Variants in GP6 observed in about 807,000 individuals in gnomAD.
GP6 encodes glycoprotein VI platelet, also known as platelet glycoprotein VI.
In GP6, 45 loss-of-function variants were observed where a neutral mutation model predicts 37.3. The ratio of observed to expected loss-of-function variants is 1.21; its 90% CI spans 0.95 to 1.55. The LOEUF (loss-of-function observed/expected upper bound fraction) is 1.55. Among genes scored for constraint, GP6 ranks in the 40% most tolerant of loss-of-function variants. The pLI, the probability that GP6 is intolerant of heterozygous loss-of-function variation, is 0.00. For synonymous variants in GP6, 340 were observed against 316.4 expected (o/e 1.07, Z -0.79); for missense variants, 813 against 760.2 (o/e 1.07, Z -0.82).
intron 5 of GP6, among the ~76,000 whole-genome samples, chr19:55,021,620 A>T (rs1478951066): frequency 1.4e-5 from 2 of 142,758 alleles, no homozygotes. Context: ...TCCCGGGTTC[A>T]CGCCATTCTC....
chr19:55,015,579 G>C, intron 7 of GP6, 104 bp downstream of exon 7: 1 of 779,134 alleles, frequency 1.3e-6, no homozygotes, highest in Non-Finnish European at 2.3e-6. Context: ...CTACACACTG[G>C]AACCCAAGAT....
intron 3 of GP6, among the ~76,000 whole-genome samples, chr19:55,031,852 A>C (rs1332122721): frequency 6.6e-6 from 1 of 152,110 alleles, no homozygotes; most frequent in Non-Finnish European, 1.5e-5. Context: ...GCACACCTGT[A>C]ATCCTAGCTA....
Position 55,029,348 on chromosome 19 carries a change from ATATATATATATATATATATATATATATTT to A in GP6, c.326-1515_326-1487del, listed in dbSNP as rs2074453368. On this transcript the variant is annotated intron_variant, in intron 3 of 7. Coordinates refer to ENST00000310373, the MANE Select transcript of GP6 (RefSeq NM_001083899.2). Reference sequence around the variant, plus strand: ...TATATATATATATATATATATATATATATATATATATATATATATATATATATTTTTTTTTTTTTTTTTTTTTTTTTTTT... The same window carrying A: ...TATATATATATATATATATATATATATTTTTTTTTTTTTTTTTTTTTTTTT... Among the ~76,000 whole-genome samples, 3 of 2,778 alleles carry A rather than the reference ATATATATATATATATATATATATATATTT, an allele frequency of 1.1e-3. 1 individual carries two copies. The highest frequency in any genetic ancestry group is 0.012 in the Admixed American group (2 of 162). The allele number at this position is 2,778 out of a possible 152,430, so 1.8% of individuals were successfully genotyped here.
intron 5 of GP6, among the ~76,000 whole-genome samples, chr19:55,023,026 CA>C (rs998449822): frequency 1.3e-5 from 2 of 152,046 alleles, no homozygotes; most frequent in Admixed American, 1.3e-4. Context: ...CATATGGAAC[CA>C]AAAAAGGGCC....
intron 1 of GP6, chr19:55,032,827 G>T: frequency 1.7e-6 from 1 of 593,432 alleles, no homozygotes; most frequent in Non-Finnish European, 3.0e-6. Flanking sequence ...GCATGGTGGC[G>T]TACTGCTCTC....
chr19:55,037,672 G>T (rs1353214557), intron 1 of GP6, among the ~76,000 whole-genome samples: 4 of 92,140 alleles, frequency 4.3e-5, no homozygotes, highest in African/African-American at 1.7e-4. Context: ...TCTCTCTGTT[G>T]CCCAGGCTGG....
chr19:55,028,013 C>CG (rs1372693932), intron 3 of GP6, 151 bp from the exon 4 acceptor site: 2 of 783,648 alleles, frequency 2.6e-6, no homozygotes, highest in Non-Finnish European at 4.5e-6. Context: ...ACAGAGAGGT[C>CG]GAGTCACCCA....
Position 55,015,728 on chromosome 19 carries a change from A to G in GP6, c.730T>C (p.Ser244Pro). The change falls in exon 7 of 8, where the codon TCT becomes CCT. Residue 244 changes from serine to proline, a missense_variant. Transcript: ENST00000310373. ...TTTGGACTGGCGGTGATACTCCTAG[A>G]AGTCTCTGGGAACCAAACAAAGGCT... 1 of 1,553,458 alleles carries G rather than the reference A, an allele frequency of 6.4e-7. No individual in the cohort carries two copies. Among genetic ancestry groups the G allele is most frequent in the Non-Finnish European group, 8.9e-7 (1 of 1,124,250 alleles).
rs1424969844 is a variant in GP6 at position 55,015,067 on chromosome 19, G to A, written c.878C>T (p.Ala293Val). 1.9e-6 allele frequency: 3 copies of A among 1,605,864 alleles called. No homozygotes were observed. Among genetic ancestry groups the A allele is most frequent in the East Asian group, 4.5e-5 (2 of 44,478 alleles). ...TGCCGCAGGCGCTTCCTCCGGCTGTGCCAGTCCTCTGCCAGAAACCCCGCC... is the reference window on the plus strand; with the variant it reads ...TGCCGCAGGCGCTTCCTCCGGCTGTACCAGTCCTCTGCCAGAAACCCCGCC... The change falls in exon 8 of 8, where the codon GCA becomes GTA. Residue 293 changes from alanine to valine, a missense_variant. Physicochemically the swap from Ala to Val is moderately conservative, Grantham distance 64 (BLOSUM62 0). Coordinates refer to ENST00000310373, the MANE Select transcript of GP6 (RefSeq NM_001083899.2).
At chr19:55,024,354 A>G (rs1276930049) in intron 5 of GP6, among the ~76,000 whole-genome samples, 3 of 123,690 alleles carry the variant, frequency 2.4e-5, no homozygotes, top group Admixed American at 2.4e-4. Context: ...ACATGCACGC[A>G]CACACACATA....
intron 1 of GP6, among the ~76,000 whole-genome samples, chr19:55,035,753 A>C (rs906053983): frequency 6.6e-6 from 1 of 152,042 alleles, no homozygotes; most frequent in African/African-American, 2.4e-5. Flanking sequence ...TGAGCGTGGA[A>C]TACTACTCAG....
rs1222425742 is a variant in GP6 at position 55,033,303 on chromosome 19, G to A, written c.35-765C>T. On this transcript the variant is annotated intron_variant, in intron 1 of 7. Coordinates refer to ENST00000310373, the MANE Select transcript of GP6 (RefSeq NM_001083899.2). ...CGTGTTAGACACGGTGGACTCGTTC[G>A]TGTTGTGTTAGACACGGTGGACTCG... 1.9e-5 allele frequency among the ~76,000 whole-genome samples: 2 copies of A among 105,992 alleles called. 1 individual carries two copies. The highest frequency in any genetic ancestry group is 3.8e-5 in the Non-Finnish European group (2 of 53,060). The allele number at this position is 105,992 out of a possible 152,430, so 69.5% of individuals were successfully genotyped here. A position where few individuals can be genotyped will look rare whatever the true frequency, so the allele number is the denominator to read the frequency against.
At chr19:55,034,915 C>G (rs1437119679) in intron 1 of GP6, among the ~76,000 whole-genome samples, 1 of 152,122 alleles carries the variant, frequency 6.6e-6, no homozygotes, top group Non-Finnish European at 1.5e-5. Context: ...CACCCTTTGT[C>G]CACCCCAGGC....
intron 6 of GP6, among the ~76,000 whole-genome samples, chr19:55,016,486 C>G (rs1397192591): frequency 2.0e-5 from 3 of 151,196 alleles, no homozygotes; most frequent in Non-Finnish European, 2.9e-5. Flanking sequence ...AGCGATTCTC[C>G]TGCCTCAGCC....
At chr19:55,025,388 C>T (rs555325247) in intron 4 of GP6, 117 bp from the exon 5 acceptor site, 1 of 732,274 alleles carries the variant, frequency 1.4e-6, no homozygotes, top group African/African-American at 1.7e-5. Flanking sequence ...AAGTAGCTTA[C>T]ATCACTGGAC....
intron 6 of GP6, 41 bp downstream of exon 6, chr19:55,018,611 C>T (rs746328728): frequency 8.8e-7 from 1 of 1,136,720 alleles, no homozygotes; most frequent in South Asian, 1.2e-5. Flanking sequence ...GCTCCGTCCT[C>T]ACACTCCTTT....
At chr19:55,027,957 T>C in intron 3 of GP6, 95 bp from the exon 4 acceptor site, 1 of 1,285,942 alleles carries the variant, frequency 7.8e-7, no homozygotes, top group Non-Finnish European at 1.1e-6. Flanking sequence ...CTGGGGAGCT[T>C]TTTGGCTGTA....
intron 5 of GP6, among the ~76,000 whole-genome samples, chr19:55,024,364 A>G (rs1280306876): frequency 5.9e-5 from 1 of 16,984 alleles, no homozygotes; most frequent in African/African-American, 1.1e-4. Context: ...ACACACACAT[A>G]TGCACGCACA....
chr19:55,035,411 C>T lies in GP6; in HGVS notation c.34+2792G>A, dbSNP rs142012532. Among the ~76,000 whole-genome samples the T allele has an allele frequency of 9.4e-3, 1,425 of 152,202 alleles. 13 individuals carry two copies. Among genetic ancestry groups the T allele is most frequent in the Non-Finnish European group, 0.014 (930 of 68,014 alleles). On this transcript the variant is annotated intron_variant, in intron 1 of 7. Transcript: ENST00000310373. ...AACATATTGTACACTTGCATATCAC[C>T]GATAGTAGATTTTAAATGTTCTCAC...
Sources: gnomAD v4.1 joint callset for allele counts (sites outside exome capture counted in the v4.1 genomes callset) on GRCh38, gnomAD v4.1.1 for gene constraint, MANE v1.5 for transcripts, NCBI Gene and HGNC (gene_info 2026-07-23, HGNC 2026-07-21) for gene names.